DPP10: variants seen among roughly 807,000 people sequenced by gnomAD.
DPP10 encodes inactive dipeptidyl peptidase 10.
A neutral mutation model predicts 120.9 loss-of-function variants in DPP10; 33 were observed. The ratio of observed to expected loss-of-function variants is 0.27; its 90% confidence interval spans 0.21 to 0.37. The LOEUF is 0.37. Ranked by LOEUF, DPP10 falls within the 10% of genes least tolerant of loss-of-function variation. The pLI, the probability that DPP10 is intolerant of heterozygous loss-of-function variation, is 1.00. For synonymous variants in DPP10, 337 were observed against 326.1 expected, an observed-to-expected ratio of 1.03 and a Z score of -0.36; for missense variants, 816 against 942.8, an observed-to-expected ratio of 0.87 and a Z score of 1.76.
chr2:115,822,725 A>G (rs1687931285), intron 21 of DPP10, among the ~76,000 whole-genome samples: 1 of 151,940 alleles, frequency 6.6e-6, no homozygotes, highest in South Asian at 2.1e-4. Flanking sequence ...GAAAATTATC[A>G]ATTTTCTATT....
chr2:115,043,097 G>A (rs770774183), intron 1 of DPP10, among the ~76,000 whole-genome samples: 2 of 152,094 alleles, frequency 1.3e-5, no homozygotes, highest in African/African-American at 4.8e-5. Flanking sequence ...AGCCTTTACA[G>A]CAAACTAAAA....
At chr2:114,814,462 T>C (rs1190747945) in intron 1 of DPP10, among the ~76,000 whole-genome samples, 1 of 152,130 alleles carries the variant, frequency 6.6e-6, no homozygotes, top group Non-Finnish European at 1.5e-5. Context: ...TCTAATAGCC[T>C]CATTTTTTAA....
chr2:115,529,453 G>C lies in DPP10; in HGVS notation c.441+3481G>C, dbSNP rs1048059181. Among the ~76,000 whole-genome samples the C allele has an allele frequency of 1.2e-4, 8 of 67,458 alleles. No homozygotes were observed. In the Admixed American group the frequency reaches 1.7e-3, roughly 15 times the overall value. 44.3% of individuals were successfully genotyped at this position (67,458 alleles called of 152,430 possible). On this transcript the variant is annotated intron_variant, in intron 5 of 25. Transcript: ENST00000410059. ...CAAGTGTGAGCCAACATGCCTGGTG[G>C]CAAAAGTTTTTTTTTTTTTTTTTAA...
intron 1 of DPP10, among the ~76,000 whole-genome samples, chr2:114,542,719 G>A (rs925474613): frequency 5.9e-5 from 9 of 152,178 alleles, no homozygotes; most frequent in African/African-American, 1.4e-4. Flanking sequence ...AAATAAAAAT[G>A]AGAAAATCTA....
At chr2:115,049,646 G>T (rs1332640649) in intron 1 of DPP10, among the ~76,000 whole-genome samples, 4 of 152,132 alleles carry the variant, frequency 2.6e-5, no homozygotes, top group African/African-American at 7.2e-5. Flanking sequence ...AAAGTACTCC[G>T]TATCTGAATC....
At chr2:114,672,660 G>A (rs1039040607) in intron 1 of DPP10, among the ~76,000 whole-genome samples, 2 of 152,144 alleles carry the variant, frequency 1.3e-5, no homozygotes, top group African/African-American at 2.4e-5. Flanking sequence ...GACCTTTCTT[G>A]TTATACCTTC....
intron 1 of DPP10, among the ~76,000 whole-genome samples, chr2:114,739,031 C>T (rs1677758078): frequency 6.6e-6 from 1 of 152,184 alleles, no homozygotes; most frequent in Non-Finnish European, 1.5e-5. Flanking sequence ...CCCCTATTTA[C>T]TCTGCCCATT....
intron 5 of DPP10, among the ~76,000 whole-genome samples, chr2:115,598,332 T>C (rs963532104): frequency 2.0e-5 from 3 of 152,000 alleles, no homozygotes; most frequent in Non-Finnish European, 4.4e-5. Context: ...CTGGTCCTTA[T>C]GTTGGCCATC....
intron 1 of DPP10, among the ~76,000 whole-genome samples, chr2:114,684,193 G>T (rs1402380787): frequency 5.9e-5 from 9 of 151,948 alleles, no homozygotes; most frequent in Admixed American, 5.3e-4. Flanking sequence ...CCTGAGCCAG[G>T]CCCTGTGGGA....
chr2:115,709,333 A>G (rs1205955727), intron 7 of DPP10, among the ~76,000 whole-genome samples: 2 of 152,098 alleles, frequency 1.3e-5, no homozygotes, highest in Non-Finnish European at 2.9e-5. Flanking sequence ...GAGCAGGGGT[A>G]ACTAGTGGTG....
At chr2:114,798,975 A>G (rs778673005) in intron 1 of DPP10, among the ~76,000 whole-genome samples, 5 of 152,100 alleles carry the variant, frequency 3.3e-5, no homozygotes, top group Non-Finnish European at 7.3e-5. Context: ...CTAGAAATAC[A>G]AAAAATAGCC....
chr2:115,359,195 G>A (rs2064608097), intron 3 of DPP10, among the ~76,000 whole-genome samples: 1 of 152,128 alleles, frequency 6.6e-6, no homozygotes, highest in Non-Finnish European at 1.5e-5. Context: ...TGGTTGTTTT[G>A]TGGACTCGAT....
At position 114,617,904 on chromosome 2, in the gene DPP10, C is replaced by A. The variant is rs143100119; in HGVS notation, c.60+175066C>A. On this transcript the variant is annotated intron_variant, in intron 1 of 25. Coordinates refer to ENST00000410059, the MANE Select transcript of DPP10 (RefSeq NM_020868.6). ...TTGATTAAATCAGTCCAGGCAGTAC[C>A]CACTTGAAGCAATCATGAAGCCAGT... Among the ~76,000 whole-genome samples the A allele has an allele frequency of 4.2e-3, 632 of 152,118 alleles. 8 individuals are homozygous for A. The highest frequency in any genetic ancestry group is 0.014 in the African/African-American group (596 of 41,510).
intron 1 of DPP10, among the ~76,000 whole-genome samples, chr2:115,098,822 A>C (rs1409915174): frequency 1.3e-5 from 2 of 152,188 alleles, no homozygotes; most frequent in Non-Finnish European, 2.9e-5. Flanking sequence ...TGATTTCTAG[A>C]TTCACCTTTA....
intron 1 of DPP10, among the ~76,000 whole-genome samples, chr2:114,621,369 T>C (rs939450505): frequency 1.3e-5 from 2 of 151,956 alleles, no homozygotes; most frequent in Admixed American, 1.3e-4. Context: ...ACTGTGCTAA[T>C]ATGCCTTTTA....
chr2:115,289,023 A>G lies in DPP10; in HGVS notation c.61-20216A>G, dbSNP rs548699854. On this transcript the variant is annotated intron_variant, in intron 1 of 25. Transcript: ENST00000410059. The stretch of plus-strand genomic sequence containing the variant: ...TAAACTATCTCTGTTTGCCAGTGAT[A>G]TGATCTTGTACCCAGAAAACCCTAA... 3.9e-5 allele frequency among the ~76,000 whole-genome samples: 6 copies of G among 152,258 alleles called. No individual in the cohort carries two copies. The South Asian group carries it at 1.2e-3, about 32-fold the overall frequency.
intron 3 of DPP10, among the ~76,000 whole-genome samples, chr2:115,495,691 G>A (rs908093650): frequency 2.0e-5 from 3 of 152,080 alleles, no homozygotes; most frequent in Admixed American, 2.0e-4. Flanking sequence ...GATCGAAATG[G>A]CAGTAATGAT....
intron 19 of DPP10, among the ~76,000 whole-genome samples, chr2:115,799,556 G>T (rs1178893203): frequency 6.6e-6 from 1 of 150,424 alleles, no homozygotes. Flanking sequence ...TTAGCATTAG[G>T]TATATCTCCT....
chr2:115,526,087 C>A, intron 5 of DPP10, 115 bp downstream of exon 5: 1 of 732,920 alleles, frequency 1.4e-6, no homozygotes, highest in Non-Finnish European at 2.2e-6. Context: ...CTAGTAACTA[C>A]CGGAGGACAG....
Sources: allele counts gnomAD v4.1 joint callset (sites outside exome capture counted in the v4.1 genomes callset), GRCh38; gene constraint gnomAD v4.1.1; transcripts MANE v1.5; gene names NCBI Gene and HGNC (gene_info 2026-07-23, HGNC 2026-07-21).